The following FRMD4B variants were observed in gnomAD, a reference collection of about 807,000 sequenced individuals.
The protein encoded by FRMD4B is FERM domain containing 4B.
FRMD4B carries 74 observed loss-of-function variants against 141.5 expected under a neutral mutation model. The ratio of observed to expected loss-of-function variants is 0.52; its 90% CI spans 0.43 to 0.63. FRMD4B has a LOEUF of 0.63. FRMD4B is among the 30% of genes least tolerant of loss of function. FRMD4B has a pLI of 0.00. For missense variants in FRMD4B, 1,366 were observed against 1,253.4 expected (o/e 1.09, Z -1.36); for synonymous variants, 506 against 467.9 (o/e 1.08, Z -1.05).
intron 4 of FRMD4B, among the ~76,000 whole-genome samples, chr3:69,292,590 G>A (rs1278326286): frequency 6.6e-6 from 1 of 152,112 alleles, no homozygotes; most frequent in Non-Finnish European, 1.5e-5. Flanking sequence ...TCCTGCCTAG[G>A]CATCAGATTA....
chr3:69,309,326 A>AGATGG (rs1701495518), intron 3 of FRMD4B, among the ~76,000 whole-genome samples: 1 of 133,944 alleles, frequency 7.5e-6, no homozygotes, highest in Non-Finnish European at 1.6e-5. Context: ...TTTTTCGTAG[A>AGATGG]GATGGGGTCT....
chr3:69,447,931 A>C (rs1705434877), intron 1 of FRMD4B, among the ~76,000 whole-genome samples: 1 of 151,732 alleles, frequency 6.6e-6, no homozygotes, highest in Non-Finnish European at 1.5e-5. Flanking sequence ...GCTATATCAC[A>C]ATTTATTTAT....
intron 5 of FRMD4B, among the ~76,000 whole-genome samples, chr3:69,267,616 TATATATATATATATATATATAGAGAG>T (rs2093570917): frequency 1.9e-3 from 192 of 98,668 alleles, no homozygotes; most frequent in South Asian, 3.8e-3. Flanking sequence ...TATATATATA[TATATATATATATATATATATAGAGAG>T]AGAGAGAGAG....
intron 5 of FRMD4B, among the ~76,000 whole-genome samples, chr3:69,265,252 C>A: frequency 2.2e-4 from 4 of 18,004 alleles, no homozygotes; most frequent in Non-Finnish European, 2.7e-4. Context: ...GAGACTCCAT[C>A]TCAAAAAAAA....
intron 11 of FRMD4B, among the ~76,000 whole-genome samples, chr3:69,200,104 G>A (rs961652794): frequency 9.9e-5 from 15 of 152,140 alleles, no homozygotes; most frequent in Non-Finnish European, 1.5e-4. Context: ...TGCACTATCA[G>A]CAAAACCATT....
chr3:69,304,832 A>G (rs1195055777), intron 3 of FRMD4B, among the ~76,000 whole-genome samples: 2 of 152,240 alleles, frequency 1.3e-5, no homozygotes, highest in Non-Finnish European at 2.9e-5. Context: ...GTCAAAATGT[A>G]ATAAAATATA....
chr3:69,323,639 T>G, intron 1 of FRMD4B, among the ~76,000 whole-genome samples: 1 of 89,818 alleles, frequency 1.1e-5, no homozygotes, highest in Admixed American at 1.3e-4. Context: ...TATATATATA[T>G]ATATATATAT....
chr3:69,370,489 T>C (rs964552), intron 1 of FRMD4B, among the ~76,000 whole-genome samples: 143,094 of 152,076 alleles, frequency 0.94, 67,968 homozygotes, highest in East Asian at 1. Context: ...AATAAGCTAC[T>C]CTGCTATCTA....
At chr3:69,178,319 T>C (rs1446303493) in intron 21 of FRMD4B, among the ~76,000 whole-genome samples, 1 of 126,168 alleles carries the variant, frequency 7.9e-6, no homozygotes, top group Admixed American at 9.7e-5. Flanking sequence ...TGTAACACTC[T>C]GAGTTTGAGC....
At chr3:69,321,690 CA>C in intron 1 of FRMD4B, among the ~76,000 whole-genome samples, 1 of 150,766 alleles carries the variant, frequency 6.6e-6, no homozygotes, top group African/African-American at 2.4e-5. Context: ...AACCCAGACA[CA>C]GCTAACACTG....
chr3:69,496,495 C>T (rs1421929381), intron 1 of FRMD4B, among the ~76,000 whole-genome samples: 1 of 152,066 alleles, frequency 6.6e-6, no homozygotes, highest in Non-Finnish European at 1.5e-5. Context: ...CAGACACATG[C>T]TCTTTTTTGT....
At chr3:69,326,326 A>G (rs1033385684) in intron 1 of FRMD4B, among the ~76,000 whole-genome samples, 1 of 152,152 alleles carries the variant, frequency 6.6e-6, no homozygotes, top group African/African-American at 2.4e-5. Flanking sequence ...TAAACCCTGG[A>G]GAGACCCAAA....
At chr3:69,261,324 C>T (rs553839646) in intron 5 of FRMD4B, among the ~76,000 whole-genome samples, 260 of 152,336 alleles carry the variant, frequency 1.7e-3, no homozygotes, top group African/African-American at 5.7e-3. Context: ...CGAGGGTCCA[C>T]GGCTTCATTC....
intron 1 of FRMD4B, among the ~76,000 whole-genome samples, chr3:69,323,606 G>GTATATATA (rs1702083263): frequency 1.4e-5 from 1 of 72,634 alleles, no homozygotes; most frequent in South Asian, 5.0e-4. Flanking sequence ...CTCTCTCTCT[G>GTATATATA]TGTATATATA....
At position 69,520,086 on chromosome 3, in the gene FRMD4B, AAT is replaced by A. The variant is rs1181739323; in HGVS notation, c.-129+22118_-129+22119del. Among the ~76,000 whole-genome samples the A allele has an allele frequency of 5.1e-5, 6 of 118,126 alleles. No homozygotes were observed. In the East Asian group the frequency reaches 1.6e-3, roughly 31 times the overall value. The allele number at this position is 118,126 out of a possible 152,430, so 77.5% of individuals were successfully genotyped here. A position where few individuals can be genotyped will look rare whatever the true frequency, so the allele number is the denominator to read the frequency against. On this transcript the variant is annotated intron_variant, in intron 1 of 5. Coordinates refer to the FRMD4B transcript ENST00000459638. ...ATGATGGAATATATATATATGATGGAATATATATATATAAAATGGACTATATA... is the reference window on the plus strand; with the variant it reads ...ATGATGGAATATATATATATGATGGAATATATATATAAAATGGACTATATA...
chr3:69,464,525 G>A (rs1427740018), intron 1 of FRMD4B, among the ~76,000 whole-genome samples: 1 of 152,150 alleles, frequency 6.6e-6, no homozygotes, highest in Non-Finnish European at 1.5e-5. Flanking sequence ...ATTAAGTAAA[G>A]ACCATGTGAT....
chr3:69,215,339 CTGGAGTGCGGTG>C (rs1211729532), intron 11 of FRMD4B, among the ~76,000 whole-genome samples: 1 of 91,094 alleles, frequency 1.1e-5, no homozygotes, highest in East Asian at 3.2e-4. Flanking sequence ...GTTGCCCAGG[CTGGAGTGCGGTG>C]GCACAATCTT....
intron 5 of FRMD4B, among the ~76,000 whole-genome samples, chr3:69,251,563 A>C (rs1027115128): frequency 6.6e-6 from 1 of 152,266 alleles, no homozygotes; most frequent in African/African-American, 2.4e-5. Flanking sequence ...TTATATTACA[A>C]GATGAAAACA....
intron 1 of FRMD4B, among the ~76,000 whole-genome samples, chr3:69,359,345 A>G (rs1237843976): frequency 6.6e-6 from 1 of 152,182 alleles, no homozygotes; most frequent in African/African-American, 2.4e-5. Flanking sequence ...TGCCTTGTTC[A>G]GGGCTATAAC....
Sources: gnomAD v4.1 joint callset for allele counts (sites outside exome capture counted in the v4.1 genomes callset) on GRCh38, gnomAD v4.1.1 for gene constraint, MANE v1.5 for transcripts, NCBI Gene and HGNC (gene_info 2026-07-23, HGNC 2026-07-21) for gene names.